KIAA1217: variants seen among roughly 807,000 people sequenced by gnomAD.
KIAA1217 encodes the protein KIAA1217, also known as sickle tail protein homolog.
Under a neutral mutation model 163.9 loss-of-function variants are expected in KIAA1217, and 88 were observed. That is an observed-to-expected ratio of 0.54 (90% CI 0.45 to 0.64). The LOEUF (loss-of-function observed/expected upper bound fraction) is 0.64, where lower values mean the gene tolerates loss of function less well. KIAA1217 is among the 30% of genes least tolerant of loss of function. KIAA1217 has a pLI of 0.00. For synonymous variants in KIAA1217, 903 were observed against 923.1 expected (o/e 0.98, Z 0.39); for missense variants, 2,372 against 2,475.0 (o/e 0.96, Z 0.88).
At chr10:23,875,169 G>A (rs1223201511) in intron 1 of KIAA1217, among the ~76,000 whole-genome samples, 4 of 151,390 alleles carry the variant, frequency 2.6e-5, no homozygotes, top group Non-Finnish European at 4.4e-5. Context: ...CTCCCACCAG[G>A]CTCCAGTTTC....
At chr10:24,107,463 GCT>G (rs2062676772) in intron 2 of KIAA1217, among the ~76,000 whole-genome samples, 1 of 152,184 alleles carries the variant, frequency 6.6e-6, no homozygotes, top group African/African-American at 2.4e-5. Context: ...TCTGAAAACT[GCT>G]TTCCACAGTG....
intron 2 of KIAA1217, among the ~76,000 whole-genome samples, chr10:24,023,644 A>T (rs779619739): frequency 1.4e-4 from 21 of 151,752 alleles, no homozygotes; most frequent in South Asian, 4.1e-4. Flanking sequence ...CTGAGAGACA[A>T]CTGTAATCAA....
At chr10:23,710,749 T>G (rs1837197569) in intron 1 of KIAA1217, among the ~76,000 whole-genome samples, 1 of 152,212 alleles carries the variant, frequency 6.6e-6, no homozygotes, top group Admixed American at 6.5e-5. Context: ...TATCAAAATC[T>G]GAATTGCAGA....
intron 2 of KIAA1217, among the ~76,000 whole-genome samples, chr10:24,133,684 A>T (rs1007737499): frequency 6.6e-6 from 1 of 152,340 alleles, no homozygotes; most frequent in Middle Eastern, 3.4e-3. Flanking sequence ...GAATGGACAT[A>T]GACAGAAAGA....
intron 2 of KIAA1217, among the ~76,000 whole-genome samples, chr10:24,228,782 G>T (rs1474287705): frequency 6.6e-6 from 1 of 152,152 alleles, no homozygotes; most frequent in East Asian, 1.9e-4. Context: ...TGTTTCATCA[G>T]CTCTCCCAAT....
At chr10:24,021,278 C>A (rs1847719905) in intron 2 of KIAA1217, among the ~76,000 whole-genome samples, 1 of 151,818 alleles carries the variant, frequency 6.6e-6, no homozygotes, top group Non-Finnish European at 1.5e-5. Context: ...GGTTAATATA[C>A]AAAAGCCAAT....
chr10:24,545,239 G>T (rs919224801), intron 20 of KIAA1217, 136 bp downstream of exon 20: 1 of 1,453,738 alleles, frequency 6.9e-7, no homozygotes, highest in Non-Finnish European at 9.1e-7. Flanking sequence ...GGGGCATGAA[G>T]AAAGTCTAAA....
intron 4 of KIAA1217, among the ~76,000 whole-genome samples, chr10:24,438,110 C>T (rs1039115667): frequency 3.3e-5 from 5 of 151,302 alleles, no homozygotes; most frequent in African/African-American, 4.9e-5. Context: ...AAAGAAAGTT[C>T]GTGCCACCCA....
intron 1 of KIAA1217, among the ~76,000 whole-genome samples, chr10:23,799,163 T>C (rs1836350692): frequency 6.6e-6 from 1 of 152,194 alleles, no homozygotes; most frequent in Non-Finnish European, 1.5e-5. Context: ...TTTTCTTTCT[T>C]TTTTACAAGG....
chr10:24,464,767 G>T (rs899229740), intron 5 of KIAA1217, among the ~76,000 whole-genome samples: 1 of 152,132 alleles, frequency 6.6e-6, no homozygotes, highest in African/African-American at 2.4e-5. Context: ...TTACAGGCGT[G>T]AGCCACATAG....
At chr10:23,963,217 C>T (rs1189952681) in intron 1 of KIAA1217, among the ~76,000 whole-genome samples, 2 of 152,136 alleles carry the variant, frequency 1.3e-5, no homozygotes, top group Admixed American at 1.3e-4. Context: ...CTGCACCCAT[C>T]AACCCATCAT....
intron 1 of KIAA1217, among the ~76,000 whole-genome samples, chr10:23,897,445 T>C (rs1326522616): frequency 6.6e-6 from 1 of 152,084 alleles, no homozygotes; most frequent in Non-Finnish European, 1.5e-5. Flanking sequence ...CTGGCTTTGT[T>C]GGTGTTCACT....
intron 1 of KIAA1217, among the ~76,000 whole-genome samples, chr10:23,968,624 C>G (rs763609797): frequency 2.6e-4 from 40 of 152,172 alleles, no homozygotes; most frequent in Non-Finnish European, 3.8e-4. Flanking sequence ...GCGGTTACTT[C>G]CCATTACCAC....
At chr10:24,028,409 A>G (rs1037604732) in intron 2 of KIAA1217, among the ~76,000 whole-genome samples, 3 of 152,298 alleles carry the variant, frequency 2.0e-5, no homozygotes, top group Non-Finnish European at 4.4e-5. Flanking sequence ...CTCAAAAAAC[A>G]TAATGCCAAG....
chr10:23,984,941 C>T (rs1845912024), intron 1 of KIAA1217, among the ~76,000 whole-genome samples: 1 of 151,756 alleles, frequency 6.6e-6, no homozygotes, highest in South Asian at 2.1e-4. Flanking sequence ...AAAAAAAAGC[C>T]TTGAATGTTT....
In KIAA1217 at chr10:24,106,585, G is replaced by T. The variant is rs548598081; in HGVS notation, c.-171+99211G>T. 2.0e-5 allele frequency among the ~76,000 whole-genome samples: 3 copies of T among 152,026 alleles called. No homozygotes were observed. In the South Asian group the frequency reaches 6.2e-4, roughly 32 times the overall value. ...TTACATGACAGAAAAAAAAACCCTT[G>T]TGTGTTTATGCCTCAGTGATGGGAG... On this transcript the variant is annotated intron_variant, in intron 2 of 18. Coordinates refer to the KIAA1217 transcript ENST00000376462.
chr10:24,181,327 G>A (rs935409219), intron 2 of KIAA1217, among the ~76,000 whole-genome samples: 1 of 152,204 alleles, frequency 6.6e-6, no homozygotes, highest in Non-Finnish European at 1.5e-5. Flanking sequence ...CTGGCTAGAT[G>A]AAGTGAGAGG....
At chr10:24,214,020 G>T (rs2068494994) in intron 1 of KIAA1217, among the ~76,000 whole-genome samples, 1 of 152,048 alleles carries the variant, frequency 6.6e-6, no homozygotes, top group Non-Finnish European at 1.5e-5. Flanking sequence ...GCCATGCATG[G>T]TGACTATGCA....
chr10:23,844,923 G>A (rs1360872964), intron 1 of KIAA1217, among the ~76,000 whole-genome samples: 1 of 152,002 alleles, frequency 6.6e-6, no homozygotes, highest in East Asian at 1.9e-4. Context: ...GGTGTGTGAT[G>A]TTCCCCTCCA....
Sources: gnomAD v4.1 joint callset for allele counts (sites outside exome capture counted in the v4.1 genomes callset) on GRCh38, gnomAD v4.1.1 for gene constraint, MANE v1.5 for transcripts, NCBI Gene and HGNC (gene_info 2026-07-23, HGNC 2026-07-21) for gene names.